GREB1: variants seen among roughly 807,000 people sequenced by gnomAD.
GREB1 encodes growth regulating estrogen receptor binding 1.
A neutral mutation model predicts 200.7 loss-of-function variants in GREB1; 106 were observed. The ratio of observed to expected loss-of-function variants is 0.53; its 90% confidence interval spans 0.45 to 0.62. The LOEUF (loss-of-function observed/expected upper bound fraction) is 0.62, where lower values mean the gene tolerates loss of function less well. GREB1 is among the 20% of genes least tolerant of loss of function. The pLI is 0.00. For missense variants in GREB1, 2,243 were observed against 2,556.8 expected (o/e 0.88, Z 2.65); for synonymous variants, 1,132 against 1,092.4 (o/e 1.04, Z -0.72).
At position 11,611,040 on chromosome 2, in the gene GREB1, C is replaced by A; in HGVS notation, c.3006+13C>A. Reference sequence around the variant, plus strand: ...AAAGCAGCTCAGGGTAGGTGCTGTGCGCAGGGAGGGGCGGAGGGCCTGGGG... The same window carrying A: ...AAAGCAGCTCAGGGTAGGTGCTGTGAGCAGGGAGGGGCGGAGGGCCTGGGG... On this transcript the variant is annotated intron_variant, in intron 18 of 32. Transcript: ENST00000381486. 1 of 1,551,098 alleles carries A rather than the reference C, an allele frequency of 6.4e-7. No individual in the cohort carries two copies. The highest frequency in any genetic ancestry group is 1.2e-5 in the South Asian group (1 of 83,078).
chr2:11,610,527 G>A (rs937387241), intron 17 of GREB1, among the ~76,000 whole-genome samples, 161 bp from the exon 18 acceptor site: 1 of 152,230 alleles, frequency 6.6e-6, no homozygotes, highest in Admixed American at 6.5e-5. Flanking sequence ...TTCTAAAGAA[G>A]GCTTCTCATT....
intron 23 of GREB1, among the ~76,000 whole-genome samples, chr2:11,622,149 C>T (rs1054089594): frequency 3.3e-5 from 5 of 152,184 alleles, no homozygotes; most frequent in Admixed American, 6.5e-5. Flanking sequence ...GGCACCATCT[C>T]GGCTCATTGC....
At chr2:11,606,758 C>CATCATTATT (rs573105426) in intron 17 of GREB1, among the ~76,000 whole-genome samples, 10 of 143,354 alleles carry the variant, frequency 7.0e-5, no homozygotes, top group African/African-American at 2.4e-4. Flanking sequence ...ATTTTAGTTT[C>CATCATTATT]ATTATTATTA....
chr2:11,598,926 C>T, intron 15 of GREB1, 66 bp downstream of exon 15: 1 of 1,340,144 alleles, frequency 7.5e-7, no homozygotes, highest in East Asian at 2.3e-5. Context: ...TGTGGATGTT[C>T]CCGGGGGCTG....
At position 11,633,466 on chromosome 2, in the gene GREB1, A is replaced by G. The variant is rs1470910806; in HGVS notation, c.4991+403A>G. Among the ~76,000 whole-genome samples the G allele has an allele frequency of 6.6e-6, 1 of 151,748 alleles. No individual in the cohort carries two copies. The highest frequency in any genetic ancestry group is 1.5e-5 in the Non-Finnish European group (1 of 67,960). On this transcript the variant is annotated intron_variant, in intron 28 of 32. Transcript: ENST00000381486. The surrounding 1 kb of genome is among the most constrained non-coding windows in gnomAD (Gnocchi z 4.1). ...GTAGTCCCAGCTACTTGGGAGGCTG[A>G]GGCAGAAGCATGGCGTGAACCCGGG... is the stretch of plus-strand genomic sequence containing the variant.
intron 19 of GREB1, 21 bp from the exon 20 acceptor site, chr2:11,615,070 C>G: frequency 6.3e-7 from 1 of 1,597,598 alleles, no homozygotes. Context: ...TAAACAGACA[C>G]CTTCTTCTGT....
chr2:11,570,564 C>T (rs1678165276), intron 4 of GREB1, among the ~76,000 whole-genome samples: 1 of 151,432 alleles, frequency 6.6e-6, no homozygotes, highest in Non-Finnish European at 1.5e-5. Context: ...GTATCAAGAT[C>T]CAGACAAGGG....
chr2:11,610,337 GAGCT>G (rs1174054728), intron 17 of GREB1, among the ~76,000 whole-genome samples: 2 of 152,182 alleles, frequency 1.3e-5, no homozygotes, highest in Admixed American at 1.3e-4. Context: ...CCTCCTCAGA[GAGCT>G]GCACATTGTG....
In GREB1 at chr2:11,595,265, C is replaced by T. The variant is rs754803183; in HGVS notation, c.1711C>T (p.Arg571Trp). 3.7e-6 allele frequency: 6 copies of T among 1,613,072 alleles called. No homozygotes were observed. The highest frequency in any genetic ancestry group is 4.2e-6 in the Non-Finnish European group (5 of 1,179,488). ...TTGCTTTCCAGGAAAATACCAAGCCCGGATTCTTTCCGAGAGCCTTCTCAC... is the reference window on the plus strand; with the variant it reads ...TTGCTTTCCAGGAAAATACCAAGCCTGGATTCTTTCCGAGAGCCTTCTCAC... ...CIAVTGKYQA[R>W]ILSESLLTPA... The change falls in exon 12 of 33, where the codon CGG becomes TGG. Residue 571 changes from arginine to tryptophan, a missense_variant. Arg to Trp is a moderately radical substitution (Grantham distance 101, BLOSUM62 -3). This residue lies in a region of GREB1 where 1,178 missense variants were observed against 1,387.4 expected (regional missense o/e 0.85). Transcript: ENST00000381486.
intron 1 of GREB1, among the ~76,000 whole-genome samples, chr2:11,520,616 C>T (rs1415797497): frequency 6.6e-6 from 1 of 152,238 alleles, no homozygotes; most frequent in Non-Finnish European, 1.5e-5. Flanking sequence ...CCCTCTCTCT[C>T]CTCTTTCCTT....
In GREB1 at chr2:11,578,291, C is replaced by A; in HGVS notation, c.638-6C>A. The A allele has an allele frequency of 3.1e-6, 5 of 1,611,840 alleles. No individual in the cohort carries two copies. The highest frequency in any genetic ancestry group is 4.2e-6 in the Non-Finnish European group (5 of 1,178,168). ...TGGTTTTCACGTGTGCACCTTGCCC[C>A]CTTAGAGTTTAGAAGCCGGCAGATC... is the stretch of plus-strand genomic sequence containing the variant. On this transcript the variant is annotated splice_polypyrimidine_tract_variant and splice_region_variant and intron_variant, in intron 5 of 32. Transcript: ENST00000381486.
intron 19 of GREB1, 81 bp downstream of exon 19, chr2:11,612,691 G>A: frequency 1.2e-6 from 1 of 853,296 alleles, no homozygotes; most frequent in Non-Finnish European, 2.0e-6. Context: ...CAGGGGGGCT[G>A]CTGTGCCCTG....
intron 1 of GREB1, among the ~76,000 whole-genome samples, chr2:11,527,340 T>G (rs1330960199): frequency 6.6e-6 from 1 of 152,256 alleles, no homozygotes; most frequent in East Asian, 1.9e-4. Flanking sequence ...ATTCTCAAAG[T>G]AACTTTGGTT....
chr2:11,542,449 G>A (rs894793100), intron 1 of GREB1, among the ~76,000 whole-genome samples: 22 of 152,150 alleles, frequency 1.4e-4, no homozygotes, highest in Non-Finnish European at 2.2e-4. Flanking sequence ...CCACTCTCCC[G>A]TAAGAAACTG....
chr2:11,618,734 C>T lies in GREB1; in HGVS notation c.3859C>T (p.Pro1287Ser), dbSNP rs1459858496. The change falls in exon 22 of 33, where the codon CCC becomes TCC. Residue 1287 changes from proline (P) to serine (S), a missense_variant. Pro to Ser is a moderately conservative substitution (Grantham distance 74). Around this residue, in one of 3 missense-constraint regions of GREB1, gnomAD observed 587 missense variants for 553.1 expected, o/e 1.06. Transcript: ENST00000381486. Reference protein sequence around the residue: ...LPKAASLLPSPSVMWASSFRP... With the variant: ...LPKAASLLPSSSVMWASSFRP... ...CAAGGCCGCCTCCCTCCTGCCCTCC[C>T]CCTCGGTCATGTGGGCCAGCTCTTT... 6.2e-7 allele frequency: 1 copy of T among 1,613,486 alleles called. No homozygotes were observed. The highest frequency in any genetic ancestry group is 1.1e-5 in the South Asian group (1 of 91,024).
chr2:11,605,218 C>T (rs1411590927), intron 17 of GREB1, among the ~76,000 whole-genome samples: 1 of 134,592 alleles, frequency 7.4e-6, no homozygotes, highest in African/African-American at 2.8e-5. Context: ...GCCAGTAGAC[C>T]GTATATCTTT....
At chr2:11,526,770 C>G (rs998560095) in intron 1 of GREB1, among the ~76,000 whole-genome samples, 1 of 152,028 alleles carries the variant, frequency 6.6e-6, no homozygotes, top group South Asian at 2.1e-4. Flanking sequence ...GTTGGCCAGG[C>G]TGGTTTCAAA....
intron 2 of GREB1, 124 bp downstream of exon 2, chr2:11,556,895 A>C: frequency 1.4e-6 from 1 of 730,144 alleles, no homozygotes; most frequent in Non-Finnish European, 2.0e-6. Context: ...AAGAATTATT[A>C]GAAAAAGAAA....
At position 11,577,320 on chromosome 2, in the gene GREB1, G is replaced by A. The variant is rs559853194; in HGVS notation, c.637+785G>A. On this transcript the variant is annotated intron_variant, in intron 5 of 32. Transcript: ENST00000381486. Reference sequence around the variant, plus strand: ...TGCACAGGACGGCCCCGAGCACAAAGAAGCCCCCTGCAAATGTCACTGGTG... The same window carrying A: ...TGCACAGGACGGCCCCGAGCACAAAAAAGCCCCCTGCAAATGTCACTGGTG... Among the ~76,000 whole-genome samples, 9 of 152,326 alleles carry A rather than the reference G, an allele frequency of 5.9e-5. No homozygotes were observed. The South Asian group carries it at 1.7e-3, about 28-fold the overall frequency.
Sources: gnomAD v4.1 joint callset for allele counts (sites outside exome capture counted in the v4.1 genomes callset) on GRCh38, gnomAD v4.1.1 for gene constraint, gnomAD v4.1.1 regional missense constraint, Gnocchi (gnomAD v3.1) non-coding constraint, MANE v1.5 for transcripts, NCBI Gene and HGNC (gene_info 2026-07-23, HGNC 2026-07-21) for gene names.